PALM2AKAP2: variants seen among roughly 807,000 people sequenced by gnomAD.
PALM2AKAP2 encodes PALM2 and AKAP2 fusion.
Under a neutral mutation model 71.5 loss-of-function variants are expected in PALM2AKAP2, and 37 were observed. The observed-to-expected ratio is 0.52, with a 90% CI of 0.40 to 0.68. The LOEUF is 0.68. PALM2AKAP2 is among the 30% of genes least tolerant of loss of function. PALM2AKAP2 has a pLI of 0.00. For missense variants in PALM2AKAP2, 1,224 were observed against 1,191.8 expected (o/e 1.03, Z -0.40); for synonymous variants, 468 against 478.8 (o/e 0.98, Z 0.29).
chr9:109,677,332 C>G (rs1256800726), intron 1 of PALM2AKAP2, among the ~76,000 whole-genome samples: 1 of 152,088 alleles, frequency 6.6e-6, no homozygotes, highest in Non-Finnish European at 1.5e-5. Context: ...TGCTAGGGCT[C>G]ATAGAGGGCT....
rs868119995 is a variant in PALM2AKAP2 at position 109,771,460 on chromosome 9, C to T, written c.6-9028C>T. ...ACTAGACACCAAATACAGGGTAAAA[C>T]TCTGGCAAGATGCTGTGGTGACTTA... is the stretch of plus-strand genomic sequence containing the variant. On this transcript the variant is annotated intron_variant, in intron 1 of 6. Transcript: ENST00000374531. Among the ~76,000 whole-genome samples the T allele has an allele frequency of 2.6e-5, 4 of 152,234 alleles. No homozygotes were observed. The Middle Eastern group carries it at 0.01, about 388-fold the overall frequency.
intron 6 of PALM2AKAP2, among the ~76,000 whole-genome samples, chr9:109,973,614 T>C (rs938844913): frequency 3.3e-5 from 5 of 152,166 alleles, no homozygotes; most frequent in Non-Finnish European, 7.4e-5. Flanking sequence ...CTCTTGACAA[T>C]GAGTGAGGAT....
At chr9:109,797,637 T>G (rs1481570889) in intron 1 of PALM2AKAP2, among the ~76,000 whole-genome samples, 13 of 152,248 alleles carry the variant, frequency 8.5e-5, no homozygotes, top group African/African-American at 2.9e-4. Flanking sequence ...TCCGTCACCC[T>G]CCCCGTTGCA....
intron 1 of PALM2AKAP2, among the ~76,000 whole-genome samples, chr9:109,753,507 C>T (rs1188706518): frequency 1.3e-5 from 2 of 152,158 alleles, no homozygotes; most frequent in South Asian, 2.1e-4. Context: ...GGCTTTTCTG[C>T]GCCCTTGGGC....
intron 5 of PALM2AKAP2, among the ~76,000 whole-genome samples, chr9:109,929,342 G>C (rs1393635484): frequency 6.6e-6 from 1 of 152,018 alleles, no homozygotes; most frequent in Non-Finnish European, 1.5e-5. Context: ...AGTGAATCTT[G>C]GAAGTTCTAC....
intron 7 of PALM2AKAP2, chr9:110,025,001 C>T: frequency 7.8e-7 from 1 of 1,289,002 alleles, no homozygotes; most frequent in Non-Finnish European, 1.1e-6. Flanking sequence ...AGGTACCTTT[C>T]TCTTTGGCTT....
In PALM2AKAP2 at chr9:109,689,835, C is replaced by T. The variant is rs150097911; in HGVS notation, c.5+48969C>T. ...AAACTTCACGTTCTCTATGATCTGG[C>T]CAACTTCCGAGAGGAAGAGGCAGGA... On this transcript the variant is annotated intron_variant, in intron 1 of 6. Transcript: ENST00000374531. 9.0e-3 allele frequency among the ~76,000 whole-genome samples: 1,372 copies of T among 152,194 alleles called. 60 individuals carry two copies. The highest frequency in any genetic ancestry group is 0.079 in the Admixed American group (1,209 of 15,286).
chr9:109,744,491 T>C (rs567145697), intron 1 of PALM2AKAP2, among the ~76,000 whole-genome samples: 59 of 152,276 alleles, frequency 3.9e-4, no homozygotes, highest in African/African-American at 1.4e-3. Flanking sequence ...TCTTCATCTT[T>C]AAATGGGAAA....
intron 1 of PALM2AKAP2, among the ~76,000 whole-genome samples, chr9:109,712,706 AT>A (rs1479621123): frequency 2.0e-5 from 3 of 152,182 alleles, no homozygotes; most frequent in Non-Finnish European, 2.9e-5. Context: ...GAGTTACAGA[AT>A]GTTTGGCCCA....
At chr9:109,896,457 G>T (rs17202987) in intron 3 of PALM2AKAP2, among the ~76,000 whole-genome samples, 5,586 of 152,136 alleles carry the variant, frequency 0.037, 191 homozygotes, top group East Asian at 0.14. Context: ...TTTAAGGAAG[G>T]TGGCACTTAG....
chr9:109,841,237 A>G (rs918011027), intron 1 of PALM2AKAP2, among the ~76,000 whole-genome samples: 20 of 151,482 alleles, frequency 1.3e-4, no homozygotes, highest in South Asian at 1.3e-3. Flanking sequence ...GAAGCTGGAA[A>G]CCATCATTCT....
Position 109,640,850 on chromosome 9 carries a change from C to T in PALM2AKAP2, c.-12C>T, listed in dbSNP as rs1217551306. Reference sequence around the variant, plus strand: ...AGCCCCGCAGCAGCGCACCCGGCCGCGGAGCCCCGCGATGGAGTGAGTATC... The same window carrying T: ...AGCCCCGCAGCAGCGCACCCGGCCGTGGAGCCCCGCGATGGAGTGAGTATC... On this transcript the variant is annotated 5_prime_UTR_variant, in exon 1 of 7. Transcript: ENST00000374531. 5.3e-6 allele frequency: 8 copies of T among 1,517,060 alleles called. No individual in the cohort carries two copies. The Admixed American group carries it at 1.0e-4, about 19-fold the overall frequency. 94.0% of individuals were successfully genotyped at this position (1,517,060 alleles called of 1,614,324 possible). A position where few individuals can be genotyped will look rare whatever the true frequency, so the allele number is the denominator to read the frequency against.
At chr9:109,966,847 T>C (rs1455480629) in intron 6 of PALM2AKAP2, among the ~76,000 whole-genome samples, 2 of 152,184 alleles carry the variant, frequency 1.3e-5, no homozygotes, top group Admixed American at 1.3e-4. Context: ...ATGGTCTGTG[T>C]TTGTAGCAAG....
intron 1 of PALM2AKAP2, among the ~76,000 whole-genome samples, chr9:110,055,244 G>A (rs937182192): frequency 6.6e-6 from 1 of 151,708 alleles, no homozygotes; most frequent in African/African-American, 2.4e-5. Flanking sequence ...TGCCCAGGCT[G>A]GAGTGCAGTG....
chr9:109,925,683 A>G (rs1830941583), intron 5 of PALM2AKAP2, among the ~76,000 whole-genome samples: 2 of 152,200 alleles, frequency 1.3e-5, no homozygotes, highest in African/African-American at 4.8e-5. Flanking sequence ...TGGCAAGAGC[A>G]GGTCTTTCAC....
intron 1 of PALM2AKAP2, among the ~76,000 whole-genome samples, chr9:109,802,073 C>T (rs563025242): frequency 5.4e-4 from 83 of 152,296 alleles, no homozygotes; most frequent in African/African-American, 1.9e-3. Flanking sequence ...TCTGTGTATG[C>T]AAATATACCT....
At chr9:109,749,625 T>G (rs111398483) in intron 1 of PALM2AKAP2, among the ~76,000 whole-genome samples, 1,636 of 152,010 alleles carry the variant, frequency 0.011, 25 homozygotes, top group African/African-American at 0.036. Context: ...TAGAATATAC[T>G]TTATTATAAA....
At chr9:110,165,895 A>G (rs1587883630) in intron 3 of PALM2AKAP2, among the ~76,000 whole-genome samples, 1 of 152,342 alleles carries the variant, frequency 6.6e-6, no homozygotes. Flanking sequence ...AATTTGCTCA[A>G]GTTGTTTGAG....
intron 1 of PALM2AKAP2, among the ~76,000 whole-genome samples, chr9:109,841,097 G>A (rs1828649120): frequency 6.6e-6 from 1 of 152,174 alleles, no homozygotes; most frequent in African/African-American, 2.4e-5. Flanking sequence ...ATTCACAATA[G>A]CAAAGACTTG....
Sources: gnomAD v4.1 joint callset for allele counts (sites outside exome capture counted in the v4.1 genomes callset) on GRCh38, gnomAD v4.1.1 for gene constraint, MANE v1.5 for transcripts, NCBI Gene and HGNC (gene_info 2026-07-23, HGNC 2026-07-21) for gene names.